BICRA: variants seen among roughly 807,000 people sequenced by gnomAD.
BICRA encodes the protein BRD4-interacting chromatin-remodeling complex-associated protein.
Under a neutral mutation model 96.9 loss-of-function variants are expected in BICRA, and 31 were observed. The ratio of observed to expected loss-of-function variants is 0.32; its 90% confidence interval spans 0.24 to 0.43. The LOEUF is 0.43. Ranked by LOEUF, BICRA falls within the 20% of genes least tolerant of loss-of-function variation. The pLI is 1.00. For synonymous variants in BICRA, 1,350 were observed against 1,071.8 expected (o/e 1.26, Z -5.07); for missense variants, 2,283 against 2,190.3 (o/e 1.04, Z -0.84).
At chr19:47,682,454 C>T (rs921341513) in intron 7 of BICRA, among the ~76,000 whole-genome samples, 5 of 152,128 alleles carry the variant, frequency 3.3e-5, no homozygotes, top group African/African-American at 1.2e-4. Context: ...ACATTTCAAA[C>T]GGTACAAAAA....
intron 1 of BICRA, among the ~76,000 whole-genome samples, chr19:47,623,901 G>T (rs1972101839): frequency 1.3e-5 from 2 of 151,142 alleles, no homozygotes; most frequent in Admixed American, 6.6e-5. Flanking sequence ...GCCCAGGCTG[G>T]AGTGCAGTGG....
At chr19:47,621,831 G>A (rs1039703463) in intron 1 of BICRA, among the ~76,000 whole-genome samples, 2 of 151,306 alleles carry the variant, frequency 1.3e-5, no homozygotes. Flanking sequence ...TTGCTCTGTC[G>A]CCCAGGCTGG....
intron 1 of BICRA, among the ~76,000 whole-genome samples, chr19:47,631,928 C>T (rs1972227688): frequency 6.6e-6 from 1 of 152,236 alleles, no homozygotes; most frequent in Admixed American, 6.5e-5. Flanking sequence ...GGATTAGAGG[C>T]ATGAGCTACT....
intron 1 of BICRA, among the ~76,000 whole-genome samples, chr19:47,622,009 T>G: frequency 6.7e-6 from 1 of 149,192 alleles, no homozygotes; most frequent in East Asian, 2.0e-4. Flanking sequence ...CTCTGTTGCC[T>G]AAGCTGGAGT....
At chr19:47,617,826 G>A (rs973527177) in intron 1 of BICRA, among the ~76,000 whole-genome samples, 1 of 143,954 alleles carries the variant, frequency 6.9e-6, no homozygotes, top group Non-Finnish European at 1.5e-5. Context: ...TTTCTTTTTT[G>A]CCAAGGTATT....
rs1973026292 is a variant in BICRA, at chr19:47,680,533, GGCA to G, written c.1370_1372del (p.Ser457del). The G allele has an allele frequency of 6.4e-7, 1 of 1,557,088 alleles. No homozygotes were observed. The highest frequency in any genetic ancestry group is 8.7e-7 in the Non-Finnish European group (1 of 1,152,028). Reference sequence around the variant, plus strand: ...CATGAGCGTCCACCTCCTGAACCAAGGCAGCAGCATCGTCATCCCCGCCCAGCA... The same window carrying G: ...CATGAGCGTCCACCTCCTGAACCAAGGCAGCATCGTCATCCCCGCCCAGCA... On this transcript the variant is annotated inframe_deletion, in exon 6 of 15. Coordinates refer to ENST00000594866, the MANE Select transcript of BICRA (RefSeq NM_001394372.1).
At position 47,701,865 on chromosome 19, in the gene BICRA, C is replaced by T. The variant is rs1311658288; in HGVS notation, c.4133C>T (p.Thr1378Ile). 5 of 1,479,134 alleles carry T rather than the reference C, an allele frequency of 3.4e-6. No individual in the cohort carries two copies. Among genetic ancestry groups the T allele is most frequent in the Non-Finnish European group, 4.5e-6 (5 of 1,121,198 alleles). The allele number at this position is 1,479,134 out of a possible 1,614,324, so 91.6% of individuals were successfully genotyped here. A position where few individuals can be genotyped will look rare whatever the true frequency, so the allele number is the denominator to read the frequency against. The change falls in exon 15 of 15, where the codon ACC (threonine) becomes ATC (isoleucine). Residue 1378 changes from threonine (T) to isoleucine (I), a missense_variant. Physicochemically the swap from Thr to Ile is moderately conservative, Grantham distance 89 (BLOSUM62 -1). Transcript: ENST00000594866. The surrounding 1 kb of genome is among the most constrained non-coding windows in gnomAD (Gnocchi z 5.4). ...GCCCCCGAGCGCAAGCCCCTGGGCA[C>T]CGCCCCGCACTGCCCGCGCCTGCCA... ...PAAPERKPLG[T>I]APHCPRLPLR...
chr19:47,701,276 T>G lies in BICRA; in HGVS notation c.3596-52T>G. ...CTGCACACAGCTCCTCCCAGCTCGG[T>G]CGGGGGGTCCTCATCCTAACCCCGC... is the stretch of plus-strand genomic sequence containing the variant. On this transcript the variant is annotated intron_variant, in intron 14 of 14. Coordinates refer to ENST00000594866, the MANE Select transcript of BICRA (RefSeq NM_001394372.1). This position sits in a 1 kb window ranked among gnomAD's most constrained non-coding sequence, Gnocchi z 5.4. The G allele has an allele frequency of 7.5e-7, 1 of 1,339,982 alleles. No individual in the cohort carries two copies. Among genetic ancestry groups the G allele is most frequent in the Non-Finnish European group, 1.1e-6 (1 of 948,452 alleles). The allele number at this position is 1,339,982 out of a possible 1,614,324, so 83.0% of individuals were successfully genotyped here. A position where few individuals can be genotyped will look rare whatever the true frequency, so the allele number is the denominator to read the frequency against.
At chr19:47,650,989 A>C (rs536417501) in intron 1 of BICRA, among the ~76,000 whole-genome samples, 1 of 151,106 alleles carries the variant, frequency 6.6e-6, no homozygotes, top group Non-Finnish European at 1.5e-5. Flanking sequence ...GTTCCCTTAC[A>C]CTCCTTGGCC....
At position 47,698,872 on chromosome 19, in the gene BICRA, G is replaced by T. The variant is rs972404917; in HGVS notation, c.3397+90G>T. The stretch of plus-strand genomic sequence containing the variant: ...CGCCAGTGTGGAGCCGCAGGTCCAC[G>T]GTGCGCTATGCTGACCCTGCCCCGC... On this transcript the variant is annotated intron_variant, in intron 12 of 14. Coordinates refer to ENST00000594866, the MANE Select transcript of BICRA (RefSeq NM_001394372.1). The surrounding 1 kb of genome is among the most constrained non-coding windows in gnomAD (Gnocchi z 4.8). 8 of 1,337,538 alleles carry T rather than the reference G, an allele frequency of 6.0e-6. No homozygotes were observed. Among genetic ancestry groups the T allele is most frequent in the Non-Finnish European group, 8.4e-6 (8 of 953,274 alleles). 82.9% of individuals were successfully genotyped at this position (1,337,538 alleles called of 1,614,324 possible).
At chr19:47,656,143 C>A (rs1972615436) in intron 1 of BICRA, among the ~76,000 whole-genome samples, 1 of 150,596 alleles carries the variant, frequency 6.6e-6, no homozygotes, top group Non-Finnish European at 1.5e-5. Flanking sequence ...TAGAATTAGC[C>A]AAGCGTGATG....
At chr19:47,683,037 G>A (rs1286254442) in intron 7 of BICRA, among the ~76,000 whole-genome samples, 3 of 152,096 alleles carry the variant, frequency 2.0e-5, no homozygotes, top group African/African-American at 7.2e-5. Flanking sequence ...TATTTATTTA[G>A]CCAGTCTAAA....
At chr19:47,696,349 C>T (rs1343739686) in intron 10 of BICRA, 102 bp from the exon 11 acceptor site, 10 of 1,073,720 alleles carry the variant, frequency 9.3e-6, no homozygotes, top group Non-Finnish European at 5.4e-6. Context: ...GGGTGAGACA[C>T]TGGTCCCCTG....
chr19:47,660,836 C>T (rs1972693035), intron 1 of BICRA, among the ~76,000 whole-genome samples: 4 of 152,236 alleles, frequency 2.6e-5, no homozygotes, highest in South Asian at 4.1e-4. Flanking sequence ...CCCTTTTTGG[C>T]CTCAGTCTCC....
intron 1 of BICRA, among the ~76,000 whole-genome samples, chr19:47,647,384 C>T (rs1972475625): frequency 6.6e-6 from 1 of 151,994 alleles, no homozygotes; most frequent in Admixed American, 6.6e-5. Context: ...GCAGCGGCAC[C>T]CTTGTATATC....
rs984579502 is a variant in BICRA, at chr19:47,675,291, G to A, written c.85-560G>A. Among the ~76,000 whole-genome samples, 6 of 152,178 alleles carry A rather than the reference G, an allele frequency of 3.9e-5. No individual in the cohort carries two copies. The highest frequency in any genetic ancestry group is 2.6e-4 in the Admixed American group (4 of 15,274). On this transcript the variant is annotated intron_variant, in intron 4 of 14. Coordinates refer to ENST00000594866, the MANE Select transcript of BICRA (RefSeq NM_001394372.1). The surrounding 1 kb of genome is among the most constrained non-coding windows in gnomAD (Gnocchi z 4.7). Reference sequence around the variant, plus strand: ...ATGGAACAAGAAATTAGGGAAGCCCGAGCCATGGACATACATTCACTGGGC... The same window carrying A: ...ATGGAACAAGAAATTAGGGAAGCCCAAGCCATGGACATACATTCACTGGGC...
At chr19:47,682,607 T>G (rs1339172341) in intron 7 of BICRA, among the ~76,000 whole-genome samples, 1 of 152,110 alleles carries the variant, frequency 6.6e-6, no homozygotes, top group Non-Finnish European at 1.5e-5. Flanking sequence ...GGTAGCATCT[T>G]CTGCCTGCGG....
intron 7 of BICRA, among the ~76,000 whole-genome samples, chr19:47,685,786 T>TGTGCGCGCGCGCGCGCGC: frequency 1.1e-4 from 13 of 117,928 alleles, no homozygotes; most frequent in East Asian, 3.5e-4. Flanking sequence ...TGTGTGTGTG[T>TGTGCGCGCGCGCGCGCGC]GCGCGCGCGC....
At chr19:47,672,815 G>A (rs999082870) in intron 2 of BICRA, among the ~76,000 whole-genome samples, 9 of 152,122 alleles carry the variant, frequency 5.9e-5, no homozygotes, top group African/African-American at 1.9e-4. Context: ...GGCACCTAGT[G>A]AGCACTCGAC....
Sources: allele counts gnomAD v4.1 joint callset (sites outside exome capture counted in the v4.1 genomes callset), GRCh38; gene constraint gnomAD v4.1.1; non-coding constraint Gnocchi (gnomAD v3.1); transcripts MANE v1.5; gene names NCBI Gene and HGNC (gene_info 2026-07-23, HGNC 2026-07-21).